Variants in MTCL1 observed in about 807,000 individuals in gnomAD.
The protein encoded by MTCL1 is microtubule cross-linking factor 1.
In MTCL1, 79 loss-of-function variants were observed where a neutral mutation model predicts 141.4. The observed-to-expected ratio is 0.56, with a 90% CI of 0.47 to 0.67. The LOEUF (loss-of-function observed/expected upper bound fraction) is 0.67. Ranked by LOEUF, MTCL1 falls within the 30% of genes least tolerant of loss-of-function variation. The pLI is 0.00. For missense variants in MTCL1, 2,177 were observed against 2,113.9 expected (o/e 1.03, Z -0.59); for synonymous variants, 914 against 875.8 (o/e 1.04, Z -0.77).
intron 4 of MTCL1, among the ~76,000 whole-genome samples, chr18:8,751,271 A>G (rs944728968): frequency 3.3e-5 from 5 of 152,234 alleles, no homozygotes; most frequent in African/African-American, 1.2e-4. Context: ...TGTTCTGTCA[A>G]AAGAAGGCTC....
rs776446670 is a variant in MTCL1 at position 8,810,974 on chromosome 18, G to A, written c.2605-2005G>A. Among the ~76,000 whole-genome samples the A allele has an allele frequency of 6.6e-6, 1 of 151,980 alleles. No individual in the cohort carries two copies. The highest frequency in any genetic ancestry group is 1.5e-5 in the Non-Finnish European group (1 of 68,002). On this transcript the variant is annotated intron_variant, in intron 11 of 16. Transcript: ENST00000359865. The surrounding 1 kb of genome is among the most constrained non-coding windows in gnomAD (Gnocchi z 5.0). The stretch of plus-strand genomic sequence containing the variant: ...TGCCTTTATTACAGAGGCGAGATTC[G>A]ATGTTAGCTCTCTCCCAGTGAGTCC...
chr18:8,708,775 C>G (rs2096071328), intron 1 of MTCL1, among the ~76,000 whole-genome samples: 1 of 152,208 alleles, frequency 6.6e-6, no homozygotes, highest in East Asian at 1.9e-4. Flanking sequence ...ACATAAATCC[C>G]ACTGCCAGTG....
At chr18:8,742,738 G>T (rs762386858) in intron 4 of MTCL1, among the ~76,000 whole-genome samples, 31 of 152,070 alleles carry the variant, frequency 2.0e-4, no homozygotes, top group Non-Finnish European at 4.0e-4. Context: ...ACCTACACAC[G>T]TGTTATTTAG....
chr18:8,824,800 T>G lies in MTCL1; in HGVS notation c.3290T>G (p.Val1097Gly), dbSNP rs769460699. ...CCGTCCACCAGCAGCAAGGAGGATG[T>G]CACCCCACCCCTGTCTCCAGACGAC... The change falls in exon 15 of 17, where the codon GTC becomes GGC. Residue 1097 changes from valine (V) to glycine (G), a missense_variant. Val to Gly is a moderately radical substitution (Grantham distance 109). Transcript: ENST00000359865. 4 of 1,614,020 alleles carry G rather than the reference T, an allele frequency of 2.5e-6. No individual in the cohort carries two copies. In the South Asian group the frequency reaches 3.3e-5, roughly 13 times the overall value.
Position 8,760,221 on chromosome 18 carries a change from G to A in MTCL1, c.358-17612G>A, listed in dbSNP as rs139261961. On this transcript the variant is annotated intron_variant, in intron 4 of 16. Transcript: ENST00000359865. ...AGTCCCTTCTCCGAGATGCAGTGCC[G>A]GGCTATGGAGGGTCTCAGGCTGTGA... 9.7e-3 allele frequency among the ~76,000 whole-genome samples: 1,479 copies of A among 152,236 alleles called. 9 individuals are homozygous for A. The highest frequency in any genetic ancestry group is 0.014 in the South Asian group (69 of 4,824).
At chr18:8,792,502 C>G (rs553187861) in intron 7 of MTCL1, among the ~76,000 whole-genome samples, 24 of 148,648 alleles carry the variant, frequency 1.6e-4, no homozygotes, top group African/African-American at 6.0e-4. Flanking sequence ...GATAAAGACA[C>G]CCTCGGTTGA....
chr18:8,759,155 T>A (rs932172815), intron 4 of MTCL1, among the ~76,000 whole-genome samples: 2 of 152,262 alleles, frequency 1.3e-5, no homozygotes, highest in African/African-American at 4.8e-5. Context: ...GCAGATCACA[T>A]GCACGATGAC....
At chr18:8,714,774 T>G (rs1335905604), upstream of MTCL1, among the ~76,000 whole-genome samples, 1 of 151,848 alleles carries the variant, frequency 6.6e-6, no homozygotes, top group Non-Finnish European at 1.5e-5. Context: ...CCAAACCATA[T>G]CATATGATCT....
intron 4 of MTCL1, among the ~76,000 whole-genome samples, chr18:8,739,525 T>C (rs1411673733): frequency 6.6e-6 from 1 of 152,142 alleles, no homozygotes; most frequent in Non-Finnish European, 1.5e-5. Context: ...AGACTGCATC[T>C]TTCAGAGATC....
At chr18:8,719,173 A>G (rs951710355) in intron 3 of MTCL1, among the ~76,000 whole-genome samples, 1 of 152,204 alleles carries the variant, frequency 6.6e-6, no homozygotes, top group East Asian at 1.9e-4. Flanking sequence ...GAGAAGTGGG[A>G]ATAATGGGAA....
At chr18:8,771,889 T>A (rs2096486464) in intron 4 of MTCL1, among the ~76,000 whole-genome samples, 1 of 152,216 alleles carries the variant, frequency 6.6e-6, no homozygotes, top group African/African-American at 2.4e-5. Context: ...TCCTGTTATT[T>A]AATAGTCTGC....
chr18:8,736,053 C>T (rs2096273236), intron 4 of MTCL1, among the ~76,000 whole-genome samples: 1 of 152,092 alleles, frequency 6.6e-6, no homozygotes, highest in African/African-American at 2.4e-5. Context: ...TAATTAAGTC[C>T]TTCTCCTCAC....
intron 4 of MTCL1, among the ~76,000 whole-genome samples, chr18:8,774,675 A>G (rs1404018877): frequency 1.3e-5 from 2 of 152,120 alleles, no homozygotes; most frequent in Non-Finnish European, 1.5e-5. Context: ...TTTAGTAGAG[A>G]CAGAGTTTCA....
intron 10 of MTCL1, among the ~76,000 whole-genome samples, chr18:8,806,497 G>A (rs2076300512): frequency 6.6e-6 from 1 of 152,160 alleles, no homozygotes; most frequent in Non-Finnish European, 1.5e-5. Flanking sequence ...AAGTCACACA[G>A]TGACTGGCAG....
intron 12 of MTCL1, among the ~76,000 whole-genome samples, chr18:8,817,274 A>T (rs1334409362): frequency 1.7e-4 from 5 of 28,930 alleles, no homozygotes; most frequent in African/African-American, 2.2e-4. Context: ...TTTTTTTTTT[A>T]AAGAAAGCAG....
chr18:8,806,531 GCCT>G (rs1488329581), intron 10 of MTCL1, among the ~76,000 whole-genome samples: 1 of 152,094 alleles, frequency 6.6e-6, no homozygotes, highest in Non-Finnish European at 1.5e-5. Context: ...GTTCCCTGTG[GCCT>G]CCTGCAGTTT....
intron 4 of MTCL1, among the ~76,000 whole-genome samples, chr18:8,777,125 A>G (rs1221704078): frequency 6.6e-6 from 1 of 152,168 alleles, no homozygotes; most frequent in Non-Finnish European, 1.5e-5. Flanking sequence ...AGTCCCAGCT[A>G]CTTGGGAGGC....
intron 10 of MTCL1, among the ~76,000 whole-genome samples, chr18:8,798,845 G>C (rs1157680742): frequency 1.3e-5 from 2 of 152,186 alleles, no homozygotes; most frequent in Admixed American, 6.5e-5. Context: ...ACTTAATAAA[G>C]CAAAAGATGC....
Position 8,830,037 on chromosome 18 carries a change from AAC to A in MTCL1, c.*18+1081_*18+1082del. 1.0e-6 allele frequency: 1 copy of A among 985,138 alleles called. No homozygotes were observed. The highest frequency in any genetic ancestry group is 1.2e-6 in the Non-Finnish European group (1 of 829,734). The allele number at this position is 985,138 out of a possible 1,614,324, so 61.0% of individuals were successfully genotyped here. On this transcript the variant is annotated intron_variant, in intron 16 of 16. Coordinates refer to ENST00000359865, the Ensembl canonical transcript of MTCL1. This position sits in a 1 kb window ranked among gnomAD's most constrained non-coding sequence, Gnocchi z 6.4. ...TATGACAGCAGCTTCACCAACACAC[AAC>A]ACACACAGAACAGATACACAATACA... is the stretch of plus-strand genomic sequence containing the variant.
Sources: allele counts gnomAD v4.1 joint callset (sites outside exome capture counted in the v4.1 genomes callset), GRCh38; gene constraint gnomAD v4.1.1; non-coding constraint Gnocchi (gnomAD v3.1); transcripts MANE v1.5; gene names NCBI Gene and HGNC (gene_info 2026-07-23, HGNC 2026-07-21).